The following MED13 variants were observed in gnomAD, a reference collection of about 807,000 sequenced individuals.
MED13 encodes mediator complex subunit 13, also known as mediator of RNA polymerase II transcription subunit 13.
In MED13, 23 loss-of-function variants were observed where a neutral mutation model predicts 225.2. The observed-to-expected ratio is 0.10, with a 90% CI of 0.07 to 0.14. MED13 has a LOEUF of 0.14. Among genes scored for constraint, MED13 ranks in the 10% least tolerant of loss-of-function variants. The probability of loss-of-function intolerance (pLI) is 1.00; values close to 1 mark genes in which losing one functional copy is unlikely to be tolerated. For missense variants in MED13, 2,197 were observed against 2,594.5 expected (o/e 0.85, Z 3.33); for synonymous variants, 942 against 889.2 (o/e 1.06, Z -1.06).
chr17:61,991,223 A>G (rs374126199), intron 11 of MED13, among the ~76,000 whole-genome samples: 1 of 151,256 alleles, frequency 6.6e-6, no homozygotes, highest in East Asian at 2.0e-4. Context: ...GGTTCAAGCG[A>G]TTCTCCTGCC....
intron 8 of MED13, among the ~76,000 whole-genome samples, chr17:62,020,994 C>G (rs2080637434): frequency 6.7e-6 from 1 of 150,062 alleles, no homozygotes; most frequent in Non-Finnish European, 1.5e-5. Context: ...TCAGAGGGCA[C>G]AGGGTTGGGG....
intron 8 of MED13, among the ~76,000 whole-genome samples, chr17:62,018,437 G>C (rs887733248): frequency 3.3e-5 from 5 of 152,142 alleles, no homozygotes; most frequent in Non-Finnish European, 7.3e-5. Flanking sequence ...AGGTACAGTG[G>C]CTCATGCCTG....
At chr17:62,044,875 T>C (rs2080885521) in intron 3 of MED13, among the ~76,000 whole-genome samples, 1 of 152,214 alleles carries the variant, frequency 6.6e-6, no homozygotes, top group Non-Finnish European at 1.5e-5. Flanking sequence ...TTGGCCAGGC[T>C]AGTCTCGAAC....
chr17:61,982,563 T>TCTAGTTCATCTTCAAGAAATAATC lies in MED13; in HGVS notation c.3416_3439dup (p.Gly1139_Leu1146dup). ...ACAGTCTGTATTGCGTCCTATGATA[T>TCTAGTTCATCTTCAAGAAATAATC]CTAGTTCATCTTCAAGAAATAATCC... is the stretch of plus-strand genomic sequence containing the variant. On this transcript the variant is annotated inframe_insertion, in exon 16 of 30. Coordinates refer to ENST00000397786, the MANE Select transcript of MED13 (RefSeq NM_005121.3). 1 of 1,614,194 alleles carries TCTAGTTCATCTTCAAGAAATAATC rather than the reference T, an allele frequency of 6.2e-7. No homozygotes were observed. The highest frequency in any genetic ancestry group is 8.5e-7 in the Non-Finnish European group (1 of 1,180,032).
intron 5 of MED13, among the ~76,000 whole-genome samples, chr17:62,033,420 C>CTT (rs1286558824): frequency 6.6e-6 from 1 of 152,192 alleles, no homozygotes; most frequent in African/African-American, 2.4e-5. Context: ...GCCCCAATGA[C>CTT]TTTGGCTTGG....
chr17:62,048,842 T>C (rs1420023848), intron 3 of MED13, among the ~76,000 whole-genome samples: 1 of 152,104 alleles, frequency 6.6e-6, no homozygotes, highest in Non-Finnish European at 1.5e-5. Context: ...GCTACTCACA[T>C]ACACAGAACC....
intron 28 of MED13, among the ~76,000 whole-genome samples, chr17:61,947,399 G>C (rs1466053647): frequency 6.6e-6 from 1 of 151,958 alleles, no homozygotes; most frequent in East Asian, 1.9e-4. Flanking sequence ...TATTGTTTTT[G>C]AGACCATACA....
intron 3 of MED13, among the ~76,000 whole-genome samples, chr17:62,037,106 A>AG (rs2080810152): frequency 6.6e-6 from 1 of 152,210 alleles, no homozygotes; most frequent in African/African-American, 2.4e-5. Context: ...ACAAAAAATT[A>AG]GCCAGGCGCA....
intron 23 of MED13, among the ~76,000 whole-genome samples, chr17:61,959,938 C>T (rs1236636477): frequency 1.3e-5 from 2 of 152,028 alleles, no homozygotes; most frequent in Admixed American, 1.3e-4. Context: ...GTTGCCCAGG[C>T]TGGTCTCGAA....
At chr17:61,961,322 G>A (rs1236300552) in intron 22 of MED13, among the ~76,000 whole-genome samples, 1 of 152,012 alleles carries the variant, frequency 6.6e-6, no homozygotes, top group Non-Finnish European at 1.5e-5. Flanking sequence ...GAGGTCAGGA[G>A]TTCGAAACCA....
chr17:62,028,806 C>A (rs1292670688), intron 8 of MED13, among the ~76,000 whole-genome samples: 1 of 151,628 alleles, frequency 6.6e-6, no homozygotes, highest in Non-Finnish European at 1.5e-5. Context: ...GATCACGCCA[C>A]TGCACTCCAG....
At chr17:62,020,607 T>C (rs915762349) in intron 8 of MED13, among the ~76,000 whole-genome samples, 16 of 151,508 alleles carry the variant, frequency 1.1e-4, no homozygotes, top group African/African-American at 3.4e-4. Context: ...TCTCGATCTT[T>C]TGACCTCGTG....
Position 61,963,381 on chromosome 17 carries a change from C to CA in MED13, c.4845-411dup, listed in dbSNP as rs971024645. Among the ~76,000 whole-genome samples the CA allele has an allele frequency of 8.3e-4, 126 of 152,150 alleles. 1 individual carries two copies. Among genetic ancestry groups the CA allele is most frequent in the African/African-American group, 3.0e-3 (123 of 41,520 alleles). ...CTTACCAAATTTATAAAGGTGGCTACAGGTAGAGCTAGGCCAGAAAGAAAC... is the reference window on the plus strand; with the variant it reads ...CTTACCAAATTTATAAAGGTGGCTACAAGGTAGAGCTAGGCCAGAAAGAAAC... On this transcript the variant is annotated intron_variant, in intron 20 of 29. Coordinates refer to ENST00000397786, the MANE Select transcript of MED13 (RefSeq NM_005121.3).
rs371928096 is a variant in MED13 at position 62,010,759 on chromosome 17, G to A, written c.1758C>T (p.Phe586=). The change falls in exon 9 of 30, where the codon TTC becomes TTT. Residue 586 remains phenylalanine, a synonymous_variant. Coordinates refer to ENST00000397786, the MANE Select transcript of MED13 (RefSeq NM_005121.3). ...EDRIDSLSQS[F]PPQYQEAVEP... ...CTACAGCTTCCTGATATTGAGGTGGGAAAGACTGGGACAAACTGTCTATCC... is the reference window on the plus strand; with the variant it reads ...CTACAGCTTCCTGATATTGAGGTGGAAAAGACTGGGACAAACTGTCTATCC... 5.0e-6 allele frequency: 8 copies of A among 1,613,960 alleles called. No homozygotes were observed. In the African/African-American group the frequency reaches 9.3e-5, roughly 19 times the overall value.
chr17:61,948,191 G>A lies in MED13; in HGVS notation c.6292-1174C>T, dbSNP rs1273452571. Among the ~76,000 whole-genome samples the A allele has an allele frequency of 2.0e-5, 3 of 151,804 alleles. No homozygotes were observed. The East Asian group carries it at 5.8e-4, about 29-fold the overall frequency. On this transcript the variant is annotated intron_variant, in intron 28 of 29. Transcript: ENST00000397786. ...AAACCAGGTGGCTTTACTGCCTACA[G>A]TATAAAACTAAAATAAGATATATGA...
At position 61,965,164 on chromosome 17, in the gene MED13, G is replaced by T. The variant is rs200843137; in HGVS notation, c.4686C>A (p.Gly1562=). ...SNKLPSFPPF[G]SMNSNAAGSM... ...ATCCTGCAGCATTACTGTTCATACT[G>T]CCAAAGGGTGGAAACGAAGGTAGTT... The change falls in exon 20 of 30, where the codon GGC becomes GGA. Residue 1562 remains glycine (G), a synonymous_variant. Transcript: ENST00000397786. The T allele has an allele frequency of 6.7e-4, 1,080 of 1,613,988 alleles. 2 individuals are homozygous for T. The highest frequency in any genetic ancestry group is 8.5e-4 in the Non-Finnish European group (1,005 of 1,180,008).
intron 17 of MED13, among the ~76,000 whole-genome samples, chr17:61,971,381 C>G (rs1401669934): frequency 6.6e-6 from 1 of 151,582 alleles, no homozygotes; most frequent in East Asian, 2.0e-4. Context: ...CAACCTGCGC[C>G]TCCCGGGTTC....
At chr17:61,999,352 G>A (rs1332522578) in intron 9 of MED13, among the ~76,000 whole-genome samples, 1 of 152,026 alleles carries the variant, frequency 6.6e-6, no homozygotes, top group Admixed American at 6.6e-5. Flanking sequence ...CAGAATCACA[G>A]ACTAAACAAT....
In MED13 at chr17:62,046,248, T is replaced by A. The variant is rs149034153; in HGVS notation, c.470+6289A>T. On this transcript the variant is annotated intron_variant, in intron 3 of 29. Transcript: ENST00000397786. Reference sequence around the variant, plus strand: ...TAACTTAAAGATAGACTTAGCTGCTTGATTTTTGTCCTACTTGCTTTTCCA... The same window carrying A: ...TAACTTAAAGATAGACTTAGCTGCTAGATTTTTGTCCTACTTGCTTTTCCA... Among the ~76,000 whole-genome samples, 796 of 152,302 alleles carry A rather than the reference T, an allele frequency of 5.2e-3. 5 individuals are homozygous for A. The highest frequency in any genetic ancestry group is 0.018 in the African/African-American group (751 of 41,558).
Sources: allele counts gnomAD v4.1 joint callset (sites outside exome capture counted in the v4.1 genomes callset), GRCh38; gene constraint gnomAD v4.1.1; transcripts MANE v1.5; gene names NCBI Gene and HGNC (gene_info 2026-07-23, HGNC 2026-07-21).